Variants in TM7SF3 observed in about 807,000 individuals in gnomAD.
TM7SF3 encodes seven span transmembrane protein.
Under a neutral mutation model 65.5 loss-of-function variants are expected in TM7SF3, and 60 were observed. The ratio of observed to expected loss-of-function variants is 0.92; its 90% CI spans 0.74 to 1.14. The LOEUF (loss-of-function observed/expected upper bound fraction) is 1.14. TM7SF3 is among the 50% of genes most tolerant of loss of function. The pLI is 0.00. For missense variants in TM7SF3, 623 were observed against 684.8 expected (o/e 0.91, Z 1.01); for synonymous variants, 264 against 259.6 (o/e 1.02, Z -0.16).
intron 3 of TM7SF3, among the ~76,000 whole-genome samples, chr12:26,997,823 CTTT>C (rs3071165): frequency 2.6e-5 from 3 of 114,038 alleles, no homozygotes; most frequent in Non-Finnish European, 1.7e-5. Context: ...TTACCACTTC[CTTT>C]TTTTTTTTTT....
chr12:27,004,069 G>C (rs561574190), intron 1 of TM7SF3, among the ~76,000 whole-genome samples: 1 of 152,268 alleles, frequency 6.6e-6, no homozygotes, highest in East Asian at 1.9e-4. Context: ...AAAAAAGATA[G>C]GTTATAACAA....
rs1939557647 is a variant in TM7SF3 at position 26,976,253 on chromosome 12, CACTT to C, written c.1287+3_1287+6del. ...TCAATAAATCTAACTTTTGATGAAA[CACTT>C]ACTATTCTTAGGCAGCCCATGAAAA... On this transcript the variant is annotated splice_donor_5th_base_variant and intron_variant, in intron 10 of 11. Transcript: ENST00000343028. 2.5e-6 allele frequency: 4 copies of C among 1,592,768 alleles called. No homozygotes were observed. Among genetic ancestry groups the C allele is most frequent in the East Asian group, 2.2e-5 (1 of 44,746 alleles).
intron 6 of TM7SF3, among the ~76,000 whole-genome samples, chr12:26,989,358 A>G (rs915920280): frequency 2.0e-5 from 3 of 152,134 alleles, no homozygotes; most frequent in Admixed American, 2.0e-4. Context: ...AATCACTTGA[A>G]CCTGGGAGGC....
intron 5 of TM7SF3, 127 bp downstream of exon 5, chr12:26,995,110 G>A: frequency 1.1e-6 from 1 of 945,254 alleles, no homozygotes; most frequent in Non-Finnish European, 1.6e-6. Flanking sequence ...TAACAAAAGA[G>A]AATAAAGTGA....
chr12:26,988,094 T>C (rs998200642), intron 6 of TM7SF3, among the ~76,000 whole-genome samples: 1 of 151,104 alleles, frequency 6.6e-6, no homozygotes, highest in Non-Finnish European at 1.5e-5. Context: ...TTCCAGATTA[T>C]ACAACTATAA....
At position 26,980,195 on chromosome 12, in the gene TM7SF3, A is replaced by T. The variant is rs1030051749; in HGVS notation, c.1037-259T>A. 6 of 573,000 alleles carry T rather than the reference A, an allele frequency of 1.0e-5. No individual in the cohort carries two copies. The African/African-American group carries it at 1.1e-4, about 11-fold the overall frequency. The allele number at this position is 573,000 out of a possible 1,614,324, so 35.5% of individuals were successfully genotyped here. On this transcript the variant is annotated intron_variant, in intron 8 of 11. Coordinates refer to ENST00000343028, the MANE Select transcript of TM7SF3 (RefSeq NM_016551.3). ...GCTTGTCAATAAATTGGGATTGAGA[A>T]GGAAAAGTTGACAAGCATTCTGTTA...
chr12:26,987,616 C>T (rs117948075), intron 6 of TM7SF3, among the ~76,000 whole-genome samples: 4,715 of 152,204 alleles, frequency 0.031, 132 homozygotes, highest in Non-Finnish European at 0.046. Flanking sequence ...AAAACCCTTC[C>T]TCAGAGCAGG....
chr12:26,971,762 A>C lies in TM7SF3; in HGVS notation c.*2203T>G, dbSNP rs552568743. On this transcript the variant is annotated 3_prime_UTR_variant, in exon 12 of 12. Transcript: ENST00000343028. ...AAACATTCCATATAACTTTGTCCCT[A>C]CAGTAAATAATTTTTTAAAACTTTT... 1 of 152,336 alleles carries C rather than the reference A, an allele frequency of 6.6e-6. No homozygotes were observed. The highest frequency in any genetic ancestry group is 2.1e-4 in the South Asian group (1 of 4,828). 9.4% of individuals were successfully genotyped at this position (152,336 alleles called of 1,614,324 possible). A position where few individuals can be genotyped will look rare whatever the true frequency, so the allele number is the denominator to read the frequency against.
intron 7 of TM7SF3, among the ~76,000 whole-genome samples, chr12:26,982,452 C>T (rs1197492388): frequency 6.6e-6 from 1 of 152,182 alleles, no homozygotes; most frequent in African/African-American, 2.4e-5. Context: ...GCTGGGATTA[C>T]AGGCATGAGC....
chr12:26,976,158 G>A, intron 10 of TM7SF3, 102 bp downstream of exon 10: 1 of 878,216 alleles, frequency 1.1e-6, no homozygotes, highest in Non-Finnish European at 1.8e-6. Flanking sequence ...AGGTAACACA[G>A]CCCTCCCCAG....
At chr12:26,980,883 C>T (rs528749017) in intron 7 of TM7SF3, among the ~76,000 whole-genome samples, 1 of 152,244 alleles carries the variant, frequency 6.6e-6, no homozygotes, top group East Asian at 1.9e-4. Context: ...ACAGGATACA[C>T]TTTCTTGTAT....
chr12:26,985,806 GTTTTTTTTTTTTTTTT>G (rs149988617), intron 6 of TM7SF3, among the ~76,000 whole-genome samples: 1 of 52,818 alleles, frequency 1.9e-5, no homozygotes, highest in Middle Eastern at 0.021. Flanking sequence ...TTTCTTTTTC[GTTTTTTTTTTTTTTTT>G]TTTTTTTTTG....
At chr12:26,975,888 A>G in intron 10 of TM7SF3, 1 of 540,374 alleles carries the variant, frequency 1.9e-6, no homozygotes, top group Non-Finnish European at 3.3e-6. Context: ...ACTATGGAAA[A>G]TATCTTCCAT....
intron 5 of TM7SF3, among the ~76,000 whole-genome samples, chr12:26,994,293 T>C (rs187345867): frequency 6.6e-6 from 1 of 152,300 alleles, no homozygotes; most frequent in African/African-American, 2.4e-5. Context: ...ATATTGCTGT[T>C]AGGCACTTTT....
chr12:26,996,862 T>A lies in TM7SF3; in HGVS notation c.398A>T (p.Asp133Val). Reference protein sequence around the residue: ...MAILLSYSERDPVPGGCNLEF... With the variant: ...MAILLSYSERVPVPGGCNLEF... ...CAAATTACAGCCTCCAGGGACAGGA[T>A]CTGGATAAGAAATAGGGAAGTTACT... Residue 133 changes from aspartate (D) to valine (V), a missense_variant and splice_region_variant, in exon 4 of 12, where the codon GAT becomes GTT. Physicochemically the swap from Asp to Val is radical, Grantham distance 152. Coordinates refer to ENST00000343028, the MANE Select transcript of TM7SF3 (RefSeq NM_016551.3). 2 of 1,606,880 alleles carry A rather than the reference T, an allele frequency of 1.2e-6. No homozygotes were observed. The highest frequency in any genetic ancestry group is 8.5e-7 in the Non-Finnish European group (1 of 1,177,916).
In TM7SF3 at chr12:27,003,410, T is replaced by A. The variant is rs780520121; in HGVS notation, c.92-20A>T. 1 of 1,597,992 alleles carries A rather than the reference T, an allele frequency of 6.3e-7. No individual in the cohort carries two copies. Among genetic ancestry groups the A allele is most frequent in the Non-Finnish European group, 8.5e-7 (1 of 1,173,258 alleles). On this transcript the variant is annotated intron_variant, in intron 1 of 11. Transcript: ENST00000343028. ...TAAGACCTACAACGAGATAAACTTTTCATTACAACACTTGTACTCTCATAT... is the reference window on the plus strand; with the variant it reads ...TAAGACCTACAACGAGATAAACTTTACATTACAACACTTGTACTCTCATAT...
At position 26,975,600 on chromosome 12, in the gene TM7SF3, C is replaced by T. The variant is rs762546062; in HGVS notation, c.1346G>A (p.Ser449Asn). Residue 449 changes from serine to asparagine, a missense_variant, in exon 11 of 12, where the codon AGT becomes AAT. Transcript: ENST00000343028. The part of the protein sequence containing the change: ...GSYSVVLAID[S>N]YWSTSLSYIT... ...GTAGGAAAGGCTTGTGGACCAGTAA[C>T]TGTCAATGGCTAAAACCACCGAATA... 9.3e-6 allele frequency: 15 copies of T among 1,614,094 alleles called. No homozygotes were observed. The highest frequency in any genetic ancestry group is 1.3e-5 in the African/African-American group (1 of 75,032).
chr12:27,013,086 C>T (rs1299408217), intron 1 of TM7SF3: 7 of 168,996 alleles, frequency 4.1e-5, no homozygotes, highest in Admixed American at 3.9e-4. Flanking sequence ...TTGGCTCCCA[C>T]AGGTGAATTT....
intron 2 of TM7SF3, among the ~76,000 whole-genome samples, chr12:27,002,629 T>C (rs923672560): frequency 1.3e-5 from 2 of 152,154 alleles, no homozygotes; most frequent in African/African-American, 4.8e-5. Flanking sequence ...ATTATATAAA[T>C]GGCAGACTCT....
Sources: allele counts gnomAD v4.1 joint callset (sites outside exome capture counted in the v4.1 genomes callset), GRCh38; gene constraint gnomAD v4.1.1; transcripts MANE v1.5; gene names NCBI Gene and HGNC (gene_info 2026-07-23, HGNC 2026-07-21).